PDE6B: variants seen among roughly 807,000 people sequenced by gnomAD.
The protein encoded by PDE6B is rod cGMP-specific 3',5'-cyclic phosphodiesterase subunit beta.
PDE6B carries 106 observed loss-of-function variants against 109.0 expected under a neutral mutation model. The observed-to-expected ratio is 0.97, with a 90% confidence interval of 0.83 to 1.14. PDE6B has a LOEUF of 1.14. Among genes scored for constraint, PDE6B ranks in the 50% most tolerant of loss-of-function variants. The probability of loss-of-function intolerance (pLI) is 0.00; values close to 1 mark genes in which losing one functional copy is unlikely to be tolerated. For missense variants in PDE6B, 1,193 were observed against 1,155.6 expected (o/e 1.03, Z -0.47); for synonymous variants, 490 against 471.3 (o/e 1.04, Z -0.51).
Position 626,484 on chromosome 4 carries a change from C to G in PDE6B, c.468+390C>G, listed in dbSNP as rs1042652513. Among the ~76,000 whole-genome samples the G allele has an allele frequency of 1.3e-5, 2 of 152,220 alleles. No individual in the cohort carries two copies. The highest frequency in any genetic ancestry group is 4.8e-5 in the African/African-American group (2 of 41,468). ...GACCAGATGGGGGCTTCAGGGCTCT[C>G]TGGGCTGGGAGGGAGGCCCTGCCTT... On this transcript the variant is annotated intron_variant, in intron 1 of 21. Transcript: ENST00000496514. The surrounding 1 kb of genome is among the most constrained non-coding windows in gnomAD (Gnocchi z 4.6).
rs947350590 is a variant in PDE6B, at chr4:660,324, G to T, written c.1468-143G>T. ...GGCGTGTGAGCAGCCTGGGATACAGGCTGGAGCGCCAGGAATGACACATCT... is the reference window on the plus strand; with the variant it reads ...GGCGTGTGAGCAGCCTGGGATACAGTCTGGAGCGCCAGGAATGACACATCT... On this transcript the variant is annotated intron_variant, in intron 11 of 21. Transcript: ENST00000496514. 3.6e-6 allele frequency: 3 copies of T among 838,542 alleles called. No homozygotes were observed. In the Admixed American group the frequency reaches 5.5e-5, roughly 15 times the overall value. 51.9% of individuals were successfully genotyped at this position (838,542 alleles called of 1,614,324 possible).
rs138396356 is a variant in PDE6B, at chr4:666,636, C to T, written c.2352+22C>T. 4,738 of 1,539,494 alleles carry T rather than the reference C, an allele frequency of 3.1e-3. 11 individuals carry two copies. The highest frequency in any genetic ancestry group is 3.6e-3 in the Non-Finnish European group (3,988 of 1,112,370). On this transcript the variant is annotated intron_variant, in intron 20 of 21. Coordinates refer to ENST00000496514, the MANE Select transcript of PDE6B (RefSeq NM_000283.4). The surrounding 1 kb of genome is among the most constrained non-coding windows in gnomAD (Gnocchi z 5.6). The stretch of plus-strand genomic sequence containing the variant: ...CAAGGCGAGTGGTTCACGGGTGTTC[C>T]GAGCTGACTGGGGCAGGGTGGCTGG...
At position 664,654 on chromosome 4, in the gene PDE6B, G is replaced by A. The variant is rs1019968576; in HGVS notation, c.2130-227G>A. Reference sequence around the variant, plus strand: ...AACATGGTGAAACCCCGTCTCTACCGAAAATACAAAAATTAGCCGGGCGTG... The same window carrying A: ...AACATGGTGAAACCCCGTCTCTACCAAAAATACAAAAATTAGCCGGGCGTG... On this transcript the variant is annotated intron_variant, in intron 17 of 21. Transcript: ENST00000496514. 9.2e-5 allele frequency among the ~76,000 whole-genome samples: 14 copies of A among 152,136 alleles called. No homozygotes were observed. In the South Asian group the frequency reaches 1.7e-3, roughly 18 times the overall value.
In PDE6B at chr4:670,364, T is replaced by C; in HGVS notation, c.*257T>C. On this transcript the variant is annotated 3_prime_UTR_variant, in exon 22 of 22. Transcript: ENST00000496514. ...TTCAAGCGATTCTCGTGCCTCAGCC[T>C]CCTGAGTAGCTGGGACTACAGGCGC... is the stretch of plus-strand genomic sequence containing the variant. The C allele has an allele frequency of 2.4e-6, 1 of 420,554 alleles. No individual in the cohort carries two copies. Among genetic ancestry groups the C allele is most frequent in the Non-Finnish European group, 4.3e-6 (1 of 230,120 alleles). The allele number at this position is 420,554 out of a possible 1,614,324, so 26.1% of individuals were successfully genotyped here. A position where few individuals can be genotyped will look rare whatever the true frequency, so the allele number is the denominator to read the frequency against.
chr4:667,952 A>G lies in PDE6B; in HGVS notation c.2449A>G (p.Lys817Glu), dbSNP rs1737991897. ...GGCGCTGGCTGATGAGTATGAGGCC[A>G]AAGTGAAGGCTCTGGAGGAGAAGGA... is the stretch of plus-strand genomic sequence containing the variant. ...WKALADEYEA[K>E]VKALEEKEEE... is the part of the protein sequence containing the mutation. The change falls in exon 21 of 22, where the codon AAA (lysine) becomes GAA (glutamate). Residue 817 changes from lysine (K) to glutamate (E), a missense_variant. Coordinates refer to ENST00000496514, the MANE Select transcript of PDE6B (RefSeq NM_000283.4). The G allele has an allele frequency of 2.5e-6, 4 of 1,613,466 alleles. No individual in the cohort carries two copies. The highest frequency in any genetic ancestry group is 1.7e-5 in the Admixed American group (1 of 60,014).
chr4:638,963 C>A lies in PDE6B; in HGVS notation c.711+2994C>A, dbSNP rs549076140. Among the ~76,000 whole-genome samples, 5 of 152,306 alleles carry A rather than the reference C, an allele frequency of 3.3e-5. No homozygotes were observed. The East Asian group carries it at 5.8e-4, about 18-fold the overall frequency. On this transcript the variant is annotated intron_variant, in intron 3 of 21. Transcript: ENST00000496514. ...CTGGCCATCGCTCTGGCACAGGGAGCCCAACCCTCTGTTCCCTCCAGGGTC... is the reference window on the plus strand; with the variant it reads ...CTGGCCATCGCTCTGGCACAGGGAGACCAACCCTCTGTTCCCTCCAGGGTC...
rs369466418 is a variant in PDE6B, at chr4:667,843, C to T, written c.2353-13C>T. 2.2e-4 allele frequency: 352 copies of T among 1,611,522 alleles called. No individual in the cohort carries two copies. The highest frequency in any genetic ancestry group is 1.5e-3 in the Middle Eastern group (9 of 6,070). ...CAGGACAGGACTGGTGGTGACTTCT[C>T]GACTCCCCTCAGGAGTTCTCTCGTT... is the stretch of plus-strand genomic sequence containing the variant. On this transcript the variant is annotated splice_polypyrimidine_tract_variant and intron_variant, in intron 20 of 21. Transcript: ENST00000496514.
intron 5 of PDE6B, chr4:654,441 C>T: frequency 1.6e-6 from 1 of 613,656 alleles, no homozygotes; most frequent in Non-Finnish European, 3.0e-6. Flanking sequence ...CACGTGGGAC[C>T]TCCTGTGCAC....
At chr4:637,082 T>C (rs1259947966) in intron 3 of PDE6B, among the ~76,000 whole-genome samples, 2 of 152,252 alleles carry the variant, frequency 1.3e-5, no homozygotes, top group Admixed American at 6.5e-5. Flanking sequence ...CTTATGAGTA[T>C]TGTATGCTTA....
intron 3 of PDE6B, 73 bp from the exon 4 acceptor site, chr4:653,779 C>T: frequency 6.5e-7 from 1 of 1,538,782 alleles, no homozygotes; most frequent in Non-Finnish European, 9.0e-7. Context: ...TTGAGTTAAA[C>T]CCCTGCTGCT....
At chr4:654,768 T>A in intron 5 of PDE6B, 56 bp from the exon 6 acceptor site, 4 of 881,044 alleles carry the variant, frequency 4.5e-6, no homozygotes, top group Non-Finnish European at 7.9e-6. Context: ...TGTGTGTGTG[T>A]GAGCCCCTCA....
chr4:640,194 T>C (rs1734878807), intron 3 of PDE6B, among the ~76,000 whole-genome samples: 1 of 152,168 alleles, frequency 6.6e-6, no homozygotes, highest in East Asian at 1.9e-4. Context: ...TGGCTTGTCT[T>C]TTAACTCACT....
Position 666,628 on chromosome 4 carries a change from G to A in PDE6B, c.2352+14G>A, listed in dbSNP as rs752968664. On this transcript the variant is annotated intron_variant, in intron 20 of 21. Transcript: ENST00000496514. The surrounding 1 kb of genome is among the most constrained non-coding windows in gnomAD (Gnocchi z 5.6). ...TTCGTGTACAAGGCGAGTGGTTCAC[G>A]GGTGTTCCGAGCTGACTGGGGCAGG... The A allele has an allele frequency of 4.9e-5, 78 of 1,583,976 alleles. 1 individual carries two copies. In the South Asian group the frequency reaches 5.4e-4, roughly 11 times the overall value.
At position 633,438 on chromosome 4, in the gene PDE6B, C is replaced by A. The variant is rs1385848713; in HGVS notation, c.469-1239C>A. Among the ~76,000 whole-genome samples, 2 of 152,068 alleles carry A rather than the reference C, an allele frequency of 1.3e-5. No homozygotes were observed. The highest frequency in any genetic ancestry group is 4.8e-5 in the African/African-American group (2 of 41,396). ...GAAGGGTGGGTGCCATTTAGGAGCA[C>A]GCTAGCACCTCGGCCAGCCCCCAGC... On this transcript the variant is annotated intron_variant, in intron 1 of 21. Transcript: ENST00000496514. The surrounding 1 kb of genome is among the most constrained non-coding windows in gnomAD (Gnocchi z 4.5).
chr4:640,557 C>T (rs957723660), intron 3 of PDE6B, among the ~76,000 whole-genome samples: 4 of 152,052 alleles, frequency 2.6e-5, no homozygotes, highest in African/African-American at 9.7e-5. Flanking sequence ...AAAAATCCAA[C>T]TTAGCATTTT....
chr4:659,390 T>A (rs780207100), intron 11 of PDE6B, among the ~76,000 whole-genome samples: 5 of 152,216 alleles, frequency 3.3e-5, no homozygotes, highest in Non-Finnish European at 5.9e-5. Context: ...GCTCTCAGAG[T>A]GCCTAGGTGC....
Position 663,423 on chromosome 4 carries a change from G to T in PDE6B, c.1920+236G>T, listed in dbSNP as rs574125703. 6.6e-6 allele frequency among the ~76,000 whole-genome samples: 1 copy of T among 152,328 alleles called. No homozygotes were observed. The highest frequency in any genetic ancestry group is 2.4e-5 in the African/African-American group (1 of 41,586). ...TGGAAAGGGCCCCTCATGGGGTGGG[G>T]TGGAAGCCGAAGGGGAAGCGGCCCG... On this transcript the variant is annotated intron_variant, in intron 15 of 21. Transcript: ENST00000496514. This position sits in a 1 kb window ranked among gnomAD's most constrained non-coding sequence, Gnocchi z 4.0.
In PDE6B at chr4:656,223, C is replaced by T. The variant is rs192530891; in HGVS notation, c.1060-22C>T. 8.4e-4 allele frequency: 1,308 copies of T among 1,563,470 alleles called. 11 individuals are homozygous for T. In the African/African-American group the frequency reaches 0.016, roughly 19 times the overall value. On this transcript the variant is annotated intron_variant, in intron 7 of 21. Coordinates refer to ENST00000496514, the MANE Select transcript of PDE6B (RefSeq NM_000283.4). ...GACCTTCCGCTGTTTTGGATGAAAT[C>T]GTTTTTCTGATGCTTTTTCAGATTT...
chr4:663,957 G>C lies in PDE6B; in HGVS notation c.2021+87G>C. Reference sequence around the variant, plus strand: ...GACACGGGGGCGCAGCGGCGGCACAGCCCGGGGGACGCAGCCCCGGATTCC... The same window carrying C: ...GACACGGGGGCGCAGCGGCGGCACACCCCGGGGGACGCAGCCCCGGATTCC... On this transcript the variant is annotated intron_variant, in intron 16 of 21. Transcript: ENST00000496514. The surrounding 1 kb of genome is among the most constrained non-coding windows in gnomAD (Gnocchi z 4.0). 1 of 1,142,516 alleles carries C rather than the reference G, an allele frequency of 8.8e-7. No homozygotes were observed. The highest frequency in any genetic ancestry group is 1.3e-6 in the Non-Finnish European group (1 of 784,108). The allele number at this position is 1,142,516 out of a possible 1,614,324, so 70.8% of individuals were successfully genotyped here. A position where few individuals can be genotyped will look rare whatever the true frequency, so the allele number is the denominator to read the frequency against.
Sources: allele counts gnomAD v4.1 joint callset (sites outside exome capture counted in the v4.1 genomes callset), GRCh38; gene constraint gnomAD v4.1.1; non-coding constraint Gnocchi (gnomAD v3.1); transcripts MANE v1.5; gene names NCBI Gene and HGNC (gene_info 2026-07-23, HGNC 2026-07-21).